The following DNAJC6 variants were observed in gnomAD, a reference collection of about 807,000 sequenced individuals.
The protein encoded by DNAJC6 is auxilin.
In DNAJC6, 34 loss-of-function variants were observed where a neutral mutation model predicts 110.0. The ratio of observed to expected loss-of-function variants is 0.31; its 90% CI spans 0.24 to 0.41. The LOEUF is 0.41. DNAJC6 is among the 10% of genes least tolerant of loss of function. The pLI is 1.00. For missense variants in DNAJC6, 1,031 were observed against 1,207.8 expected, an observed-to-expected ratio of 0.85 and a Z score of 2.17; for synonymous variants, 406 against 437.2, an observed-to-expected ratio of 0.93 and a Z score of 0.89.
At chr1:65,348,880 A>C (rs1645461323) in intron 1 of DNAJC6, among the ~76,000 whole-genome samples, 1 of 148,720 alleles carries the variant, frequency 6.7e-6, no homozygotes, top group Non-Finnish European at 1.5e-5. Flanking sequence ...TTTAATATGA[A>C]ATTTTAATTC....
chr1:65,402,611 C>A (rs1646040897), intron 15 of DNAJC6, among the ~76,000 whole-genome samples: 1 of 152,070 alleles, frequency 6.6e-6, no homozygotes, highest in Admixed American at 6.5e-5. Context: ...TAGGGCAGTG[C>A]AGATTTGTTA....
upstream of DNAJC6, chr1:65,309,500 C>A: frequency 2.7e-6 from 3 of 1,096,454 alleles, no homozygotes; most frequent in Non-Finnish European, 3.4e-6. Flanking sequence ...CGCGCCCCCG[C>A]CCGGCCGCGT....
chr1:65,366,259 G>C lies in DNAJC6; in HGVS notation c.543+63G>C. 6.3e-6 allele frequency: 10 copies of C among 1,580,676 alleles called. No homozygotes were observed. In the Admixed American group the frequency reaches 6.9e-5, roughly 11 times the overall value. ...CGTGATGGTGCTTTTCCTCCTCAGA[G>C]ATACCCTTAAAGCACGTGCCCTTAG... On this transcript the variant is annotated intron_variant, in intron 4 of 18. Coordinates refer to ENST00000371069, the MANE Select transcript of DNAJC6 (RefSeq NM_001256864.2).
At chr1:65,334,568 AT>A (rs1249866220) in intron 1 of DNAJC6, among the ~76,000 whole-genome samples, 1 of 152,178 alleles carries the variant, frequency 6.6e-6, no homozygotes, top group Non-Finnish European at 1.5e-5. Flanking sequence ...GCCTCTAAAA[AT>A]TTCTATGAAC....
At position 65,315,766 on chromosome 1, in the gene DNAJC6, G is replaced by A. The variant is rs114661165; in HGVS notation, c.193+5828G>A. ...CTAAGGCACAGAGAGGTTAAGTTGC[G>A]TGAGGTTACACAGGCTCTACTTATT... On this transcript the variant is annotated intron_variant, in intron 1 of 18. Transcript: ENST00000371069. 6.9e-3 allele frequency among the ~76,000 whole-genome samples: 1,053 copies of A among 152,254 alleles called. 13 individuals carry two copies. The highest frequency in any genetic ancestry group is 0.024 in the African/African-American group (1,001 of 41,524).
chr1:65,407,236 G>A (rs1349236005), intron 16 of DNAJC6, among the ~76,000 whole-genome samples: 1 of 151,946 alleles, frequency 6.6e-6, no homozygotes, highest in Non-Finnish European at 1.5e-5. Flanking sequence ...TTACTTAGTA[G>A]CCATCTCGGT....
intron 1 of DNAJC6, among the ~76,000 whole-genome samples, chr1:65,336,781 A>G (rs1428113927): frequency 6.6e-6 from 1 of 152,156 alleles, no homozygotes; most frequent in East Asian, 1.9e-4. Context: ...GCTCCTTTTA[A>G]AAAACACTGT....
intron 4 of DNAJC6, among the ~76,000 whole-genome samples, chr1:65,374,976 T>G (rs1645745874): frequency 1.1e-5 from 1 of 88,126 alleles, no homozygotes. Context: ...TTTCTGAGGA[T>G]TTTTTTTTTT....
intron 13 of DNAJC6, 138 bp downstream of exon 13, chr1:65,395,170 A>G (rs1175580194): frequency 3.2e-6 from 3 of 934,560 alleles, no homozygotes; most frequent in African/African-American, 3.5e-5. Flanking sequence ...GAAATTAACA[A>G]CTCACCTTAA....
chr1:65,266,114 GGGTGAGAC>G (rs1653318335), intron 1 of DNAJC6, among the ~76,000 whole-genome samples: 1 of 152,254 alleles, frequency 6.6e-6, no homozygotes, highest in African/African-American at 2.4e-5. Flanking sequence ...TAAGTTCTTT[GGGTGAGAC>G]GTGCAACAAC....
intron 1 of DNAJC6, among the ~76,000 whole-genome samples, chr1:65,300,467 A>G (rs1644968842): frequency 6.6e-6 from 1 of 152,182 alleles, no homozygotes; most frequent in Non-Finnish European, 1.5e-5. Flanking sequence ...GTATGCATCT[A>G]GTAGATTACA....
At chr1:65,410,787 T>C (rs903858363) in intron 17 of DNAJC6, among the ~76,000 whole-genome samples, 1 of 152,242 alleles carries the variant, frequency 6.6e-6, no homozygotes, top group Non-Finnish European at 1.5e-5. Context: ...TAAGAAATAA[T>C]ACTTTTCCTC....
chr1:65,345,605 C>T (rs563297319), intron 1 of DNAJC6: 1 of 959,346 alleles, frequency 1.0e-6, no homozygotes, highest in East Asian at 1.2e-4. Flanking sequence ...TTTCCTGGTT[C>T]TCCAGGAGTG....
intron 13 of DNAJC6, among the ~76,000 whole-genome samples, chr1:65,395,245 T>C (rs1645965513): frequency 6.6e-6 from 1 of 152,198 alleles, no homozygotes; most frequent in African/African-American, 2.4e-5. Flanking sequence ...TGCTCTGCTT[T>C]CCTATTTGAC....
chr1:65,309,828 T>A lies in DNAJC6; in HGVS notation c.83T>A (p.Leu28Ter). The A allele has an allele frequency of 6.5e-7, 1 of 1,549,146 alleles. No individual in the cohort carries two copies. Among genetic ancestry groups the A allele is most frequent in the South Asian group, 1.2e-5 (1 of 84,030 alleles). ...CAGCTGGTGGACAGTAACGGGGACTTAAGTGCGGGAAGCGGCGGGGTTGGC... is the reference window on the plus strand; with the variant it reads ...CAGCTGGTGGACAGTAACGGGGACTAAAGTGCGGGAAGCGGCGGGGTTGGC... ...SLQLVDSNGD[L>*]SAGSGGVGGK... The change falls in exon 1 of 19, where the codon TTA becomes TAA. Residue 28 changes from leucine to a stop codon, truncating the protein, a stop_gained. Coordinates refer to ENST00000371069, the MANE Select transcript of DNAJC6 (RefSeq NM_001256864.2). LOFTEE classifies it high-confidence loss of function.
chr1:65,286,163 A>T (rs1654014039), intron 1 of DNAJC6, among the ~76,000 whole-genome samples: 1 of 152,228 alleles, frequency 6.6e-6, no homozygotes, highest in South Asian at 2.1e-4. Flanking sequence ...TCTCTCATAC[A>T]ACCAAAACCT....
chr1:65,367,065 C>G (rs1050721230), intron 4 of DNAJC6, among the ~76,000 whole-genome samples: 2 of 152,084 alleles, frequency 1.3e-5, no homozygotes, highest in African/African-American at 2.4e-5. Flanking sequence ...GGTGTACATG[C>G]TTTATATGGC....
chr1:65,380,916 G>GTTTTTT lies in DNAJC6; in HGVS notation c.666+1396_666+1397insTTTTTT, dbSNP rs796797174. Among the ~76,000 whole-genome samples the GTTTTTT allele has an allele frequency of 2.8e-3, 265 of 93,374 alleles. 3 individuals carry two copies. The highest frequency in any genetic ancestry group is 6.8e-3 in the Middle Eastern group (1 of 148). 61.3% of individuals were successfully genotyped at this position (93,374 alleles called of 152,430 possible). A position where few individuals can be genotyped will look rare whatever the true frequency, so the allele number is the denominator to read the frequency against. On this transcript the variant is annotated intron_variant, in intron 5 of 18. Coordinates refer to ENST00000371069, the MANE Select transcript of DNAJC6 (RefSeq NM_001256864.2). The stretch of plus-strand genomic sequence containing the variant: ...TTTTTTTTTTTTTGTTTTTTGTTTT[G>GTTTTTT]TTTTGTTTTTTTTTTTTTTTTGGGA...
At chr1:65,330,229 C>T (rs896864601) in intron 1 of DNAJC6, among the ~76,000 whole-genome samples, 5 of 152,092 alleles carry the variant, frequency 3.3e-5, no homozygotes, top group Non-Finnish European at 5.9e-5. Context: ...TGAAGCTGAC[C>T]TCAATATTCC....
Sources: gnomAD v4.1 joint callset for allele counts (sites outside exome capture counted in the v4.1 genomes callset) on GRCh38, gnomAD v4.1.1 for gene constraint, MANE v1.5 for transcripts, NCBI Gene and HGNC (gene_info 2026-07-23, HGNC 2026-07-21) for gene names.